CDH18: variants seen among roughly 807,000 people sequenced by gnomAD.
The protein encoded by CDH18 is cadherin 18.
Under a neutral mutation model 67.9 loss-of-function variants are expected in CDH18, and 31 were observed. The observed-to-expected ratio is 0.46, with a 90% CI of 0.34 to 0.62. The LOEUF is 0.62. Ranked by LOEUF, CDH18 falls within the 20% of genes least tolerant of loss-of-function variation. CDH18 has a pLI of 0.01. For synonymous variants in CDH18, 362 were observed against 347.2 expected (o/e 1.04, Z -0.48); for missense variants, 890 against 975.5 (o/e 0.91, Z 1.17).
chr5:19,708,562 A>G (rs1416016593), intron 5 of CDH18, among the ~76,000 whole-genome samples: 1 of 152,158 alleles, frequency 6.6e-6, no homozygotes, highest in Non-Finnish European at 1.5e-5. Context: ...GATGGCTATG[A>G]TGCCCATGCT....
At chr5:20,210,810 T>C (rs1045193065) in intron 2 of CDH18, among the ~76,000 whole-genome samples, 1 of 152,082 alleles carries the variant, frequency 6.6e-6, no homozygotes, top group Non-Finnish European at 1.5e-5. Context: ...ACTACTAAGT[T>C]ATCTGTATGC....
intron 1 of CDH18, among the ~76,000 whole-genome samples, chr5:20,488,806 C>T (rs984969523): frequency 1.8e-4 from 27 of 151,354 alleles, no homozygotes; most frequent in Non-Finnish European, 3.7e-4. Flanking sequence ...AAACCTAAGA[C>T]CTTAGAGATA....
At chr5:20,411,712 G>A (rs979309486) in intron 1 of CDH18, among the ~76,000 whole-genome samples, 42 of 150,820 alleles carry the variant, frequency 2.8e-4, no homozygotes, top group Non-Finnish European at 4.0e-4. Flanking sequence ...TACCTGATAA[G>A]GAGTTAATTT....
intron 5 of CDH18, among the ~76,000 whole-genome samples, chr5:19,628,184 C>G (rs537270294): frequency 1.8e-4 from 28 of 152,208 alleles, no homozygotes; most frequent in South Asian, 1.0e-3. Flanking sequence ...TTTCCTCTTT[C>G]GCTTGATTCT....
intron 2 of CDH18, among the ~76,000 whole-genome samples, chr5:19,888,841 T>G (rs1422387471): frequency 2.6e-5 from 4 of 152,148 alleles, no homozygotes; most frequent in African/African-American, 9.7e-5. Context: ...TCCAGAAGAA[T>G]GTTTTAATTA....
chr5:19,651,450 A>G (rs973713693), intron 5 of CDH18, among the ~76,000 whole-genome samples: 9 of 152,098 alleles, frequency 5.9e-5, no homozygotes, highest in African/African-American at 2.2e-4. Context: ...CAGATCTTCA[A>G]GATCAGCCAA....
At chr5:20,005,445 CACACT>C (rs1271486847) in intron 2 of CDH18, among the ~76,000 whole-genome samples, 1 of 143,792 alleles carries the variant, frequency 7.0e-6, no homozygotes, top group Non-Finnish European at 1.6e-5. Context: ...CACACACACA[CACACT>C]TTCCATGAAT....
At chr5:20,177,087 T>C (rs1432261578) in intron 2 of CDH18, among the ~76,000 whole-genome samples, 1 of 152,168 alleles carries the variant, frequency 6.6e-6, no homozygotes, top group Non-Finnish European at 1.5e-5. Flanking sequence ...GAAACATTTA[T>C]AAATTTTTTA....
chr5:20,268,121 A>T (rs941794945), intron 1 of CDH18, among the ~76,000 whole-genome samples: 3 of 152,208 alleles, frequency 2.0e-5, no homozygotes, highest in African/African-American at 7.2e-5. Flanking sequence ...GCTGCAAATG[A>T]CATGATTTCA....
At chr5:20,200,423 C>T (rs1211032169) in intron 2 of CDH18, among the ~76,000 whole-genome samples, 1 of 152,092 alleles carries the variant, frequency 6.6e-6, no homozygotes, top group African/African-American at 2.4e-5. Flanking sequence ...CCTGTAATCC[C>T]AAGACTTTGG....
At chr5:20,281,538 G>T (rs1273298980) in intron 1 of CDH18, among the ~76,000 whole-genome samples, 1 of 152,062 alleles carries the variant, frequency 6.6e-6, no homozygotes, top group Non-Finnish European at 1.5e-5. Flanking sequence ...CATTATTTCT[G>T]AGGGCTCTGT....
intron 2 of CDH18, among the ~76,000 whole-genome samples, chr5:20,048,125 T>C (rs1741069571): frequency 6.6e-6 from 1 of 151,680 alleles, no homozygotes. Context: ...ATTGTAATTT[T>C]TTTTCTTAAA....
At chr5:20,481,806 A>C (rs551458175) in intron 1 of CDH18, among the ~76,000 whole-genome samples, 1 of 152,058 alleles carries the variant, frequency 6.6e-6, no homozygotes, top group Non-Finnish European at 1.5e-5. Context: ...TGACAGTAGG[A>C]CTAAGAGGAA....
intron 1 of CDH18, among the ~76,000 whole-genome samples, chr5:20,375,730 A>C (rs1161416712): frequency 2.0e-5 from 3 of 152,058 alleles, no homozygotes; most frequent in Non-Finnish European, 4.4e-5. Flanking sequence ...AATTGTGCTC[A>C]ATTTTTATCT....
At chr5:20,178,547 T>C (rs1022582786) in intron 2 of CDH18, among the ~76,000 whole-genome samples, 1 of 151,030 alleles carries the variant, frequency 6.6e-6, no homozygotes, top group African/African-American at 2.4e-5. Flanking sequence ...GAGAGTAAAC[T>C]TCTTCAATAA....
intron 2 of CDH18, among the ~76,000 whole-genome samples, chr5:20,113,329 G>A (rs761361722): frequency 1.3e-5 from 2 of 152,084 alleles, no homozygotes; most frequent in Non-Finnish European, 2.9e-5. Context: ...CAACATATTA[G>A]TCTTTAGTCT....
Position 19,967,434 on chromosome 5 carries a change from T to C in CDH18, c.-257+13626A>G, listed in dbSNP as rs189089985. Among the ~76,000 whole-genome samples the C allele has an allele frequency of 9.2e-5, 14 of 152,206 alleles. No homozygotes were observed. In the East Asian group the frequency reaches 2.7e-3, roughly 29 times the overall value. ...TCTGTGTGCTTGACACTGTGTTCTG[T>C]TCTAGAATCATAAAATTTTCATTCT... On this transcript the variant is annotated intron_variant, in intron 2 of 12. Coordinates refer to ENST00000382275, the MANE Select transcript of CDH18 (RefSeq NM_004934.5).
rs1770109971 is a variant in CDH18, at chr5:19,747,094, T to C, written c.371A>G (p.Tyr124Cys). The part of the protein sequence containing the change: ...KSLDREQKTH[Y>C]VLHAQAIDRR... ...ATCAATAGCTTGAGCATGAAGCACA[T>C]AGTGGGTCTTCTGCTCTCTGTCTAG... is the stretch of plus-strand genomic sequence containing the variant. The change falls in exon 4 of 13, where the codon TAT becomes TGT. Residue 124 changes from tyrosine to cysteine, a missense_variant. Transcript: ENST00000382275. 1 of 1,614,118 alleles carries C rather than the reference T, an allele frequency of 6.2e-7. No individual in the cohort carries two copies. The highest frequency in any genetic ancestry group is 1.1e-5 in the South Asian group (1 of 91,086).
intron 2 of CDH18, among the ~76,000 whole-genome samples, chr5:20,175,231 G>T (rs1016774871): frequency 6.6e-6 from 1 of 151,942 alleles, no homozygotes; most frequent in Non-Finnish European, 1.5e-5. Flanking sequence ...AGAGGAAAGA[G>T]AGCAGGAGGA....
Sources: gnomAD v4.1 joint callset for allele counts (sites outside exome capture counted in the v4.1 genomes callset) on GRCh38, gnomAD v4.1.1 for gene constraint, MANE v1.5 for transcripts, NCBI Gene and HGNC (gene_info 2026-07-23, HGNC 2026-07-21) for gene names.